Variants in SLC5A8 observed in about 807,000 individuals in gnomAD.
SLC5A8 encodes solute carrier family 5 member 8, also known as sodium-coupled monocarboxylate transporter 1.
A neutral mutation model predicts 71.9 loss-of-function variants in SLC5A8; 55 were observed. The observed-to-expected ratio is 0.77, with a 90% CI of 0.62 to 0.96. SLC5A8 has a LOEUF of 0.96. Among genes scored for constraint, SLC5A8 ranks in the 40% least tolerant of loss-of-function variants. SLC5A8 has a pLI of 0.00. For synonymous variants in SLC5A8, 307 were observed against 276.1 expected, an observed-to-expected ratio of 1.11 and a Z score of -1.11; for missense variants, 701 against 745.3, an observed-to-expected ratio of 0.94 and a Z score of 0.69.
chr12:101,180,598 G>A (rs940046035), intron 9 of SLC5A8, among the ~76,000 whole-genome samples: 1 of 152,140 alleles, frequency 6.6e-6, no homozygotes. Flanking sequence ...ACGACTTTTA[G>A]CCCCCTCATA....
intron 6 of SLC5A8, among the ~76,000 whole-genome samples, chr12:101,189,439 C>T (rs183617587): frequency 6.6e-6 from 1 of 152,228 alleles, no homozygotes; most frequent in African/African-American, 2.4e-5. Flanking sequence ...TTTTCATTTT[C>T]TCCTTTAAAT....
chr12:101,184,130 A>T lies in SLC5A8; in HGVS notation c.1052+4T>A. 6.2e-7 allele frequency: 1 copy of T among 1,612,502 alleles called. No individual in the cohort carries two copies. The highest frequency in any genetic ancestry group is 1.1e-5 in the South Asian group (1 of 90,968). Reference sequence around the variant, plus strand: ...TCATATGTTATTAGAGTCATAGTTCATACCTTAATGTCCCACTGTAAGCAC... The same window carrying T: ...TCATATGTTATTAGAGTCATAGTTCTTACCTTAATGTCCCACTGTAAGCAC... On this transcript the variant is annotated splice_donor_region_variant and intron_variant, in intron 8 of 14. Transcript: ENST00000536262.
chr12:101,176,946 AACAGAAAAACAAC>A (rs1291521218), intron 10 of SLC5A8, among the ~76,000 whole-genome samples: 2 of 152,110 alleles, frequency 1.3e-5, no homozygotes, highest in Non-Finnish European at 2.9e-5. Flanking sequence ...AATGAGTGAA[AACAGAAAAACAAC>A]ACAGAAAAAT....
intron 8 of SLC5A8, among the ~76,000 whole-genome samples, chr12:101,183,883 A>G (rs1023588134): frequency 2.0e-5 from 3 of 152,186 alleles, no homozygotes; most frequent in African/African-American, 7.2e-5. Context: ...TATTGTGACC[A>G]TAGGTATCAC....
chr12:101,191,139 C>T (rs535759621), intron 5 of SLC5A8, among the ~76,000 whole-genome samples: 225 of 152,256 alleles, frequency 1.5e-3, no homozygotes, highest in African/African-American at 5.2e-3. Context: ...TTTCTAAAAA[C>T]TGCATGTCAT....
chr12:101,185,567 G>A (rs1403417555), intron 7 of SLC5A8, among the ~76,000 whole-genome samples: 4 of 151,972 alleles, frequency 2.6e-5, no homozygotes, highest in Non-Finnish European at 5.9e-5. Flanking sequence ...TGAGGATAAG[G>A]GGTTTTTTTG....
intron 3 of SLC5A8, among the ~76,000 whole-genome samples, chr12:101,197,971 A>C (rs1458461648): frequency 1.3e-5 from 2 of 152,076 alleles, no homozygotes; most frequent in Admixed American, 1.3e-4. Flanking sequence ...GATTAAAATC[A>C]TATTAGTTCT....
chr12:101,161,558 G>A (rs2051723353), intron 13 of SLC5A8, among the ~76,000 whole-genome samples: 1 of 152,094 alleles, frequency 6.6e-6, no homozygotes, highest in Non-Finnish European at 1.5e-5. Context: ...AATGAATACT[G>A]GACCATGTAA....
At chr12:101,169,305 G>A (rs751888473) in intron 10 of SLC5A8, among the ~76,000 whole-genome samples, 6 of 152,182 alleles carry the variant, frequency 3.9e-5, no homozygotes, top group South Asian at 4.1e-4. Flanking sequence ...GAGTTATGAT[G>A]ACTTTGCTAG....
intron 4 of SLC5A8, 91 bp from the exon 5 acceptor site, chr12:101,193,870 T>C: frequency 6.9e-6 from 9 of 1,309,060 alleles, no homozygotes; most frequent in Non-Finnish European, 9.4e-6. Flanking sequence ...AAAAATGATA[T>C]AAACATGAAT....
chr12:101,197,676 G>C (rs1869246071), intron 3 of SLC5A8, among the ~76,000 whole-genome samples: 1 of 152,104 alleles, frequency 6.6e-6, no homozygotes, highest in Non-Finnish European at 1.5e-5. Flanking sequence ...CTTTAAAAGA[G>C]CCTCACAATA....
rs757691500 is a variant in SLC5A8, at chr12:101,204,638, TA to T, written c.352-74del. ...AAATCAGCAGCTCAAGAAGAAAATT[TA>T]AATTTAGAAATGTAAAGCAACTTCA... On this transcript the variant is annotated intron_variant, in intron 1 of 14. Transcript: ENST00000536262. The T allele has an allele frequency of 1.2e-5, 13 of 1,054,252 alleles. 1 individual carries two copies. In the East Asian group the frequency reaches 2.9e-4, roughly 24 times the overall value. The allele number at this position is 1,054,252 out of a possible 1,614,324, so 65.3% of individuals were successfully genotyped here.
chr12:101,162,008 T>A lies in SLC5A8; in HGVS notation c.1596A>T (p.Thr532=), dbSNP rs759595741. ...LYFSTVGTLV[T]LLVGILVSLS... Reference sequence around the variant, plus strand: ...AACTGACAAGTATCCCCACTAATAATGTTACCAAAGTTCCAACAGTGCTGA... The same window carrying A: ...AACTGACAAGTATCCCCACTAATAAAGTTACCAAAGTTCCAACAGTGCTGA... Residue 532 remains threonine (T), a synonymous_variant, in exon 13 of 15, where the codon ACA becomes ACT. Coordinates refer to ENST00000536262, the MANE Select transcript of SLC5A8 (RefSeq NM_145913.5). 14 of 1,613,474 alleles carry A rather than the reference T, an allele frequency of 8.7e-6. No homozygotes were observed. The African/African-American group carries it at 1.1e-4, about 12-fold the overall frequency.
In SLC5A8 at chr12:101,200,009, C is replaced by CAAAAAAAAAAAAAAAAA. The variant is rs1182463470; in HGVS notation, c.469+2138_469+2154dup. On this transcript the variant is annotated intron_variant, in intron 3 of 14. Transcript: ENST00000536262. ...GAGGCATAAAATGAAGTACTACCAG[C>CAAAAAAAAAAAAAAAAA]AAAAAAAAAAAAAAAAAAAAAAAAA... Among the ~76,000 whole-genome samples the CAAAAAAAAAAAAAAAAA allele has an allele frequency of 3.1e-4, 3 of 9,638 alleles. 1 individual carries two copies. Among genetic ancestry groups the CAAAAAAAAAAAAAAAAA allele is most frequent in the Non-Finnish European group, 6.1e-4 (3 of 4,958 alleles). 6.3% of individuals were successfully genotyped at this position (9,638 alleles called of 152,430 possible).
chr12:101,204,641 AT>A, intron 1 of SLC5A8, 76 bp from the exon 2 acceptor site: 1 of 1,026,584 alleles, frequency 9.7e-7, no homozygotes, highest in Non-Finnish European at 1.5e-6. Context: ...GAAAATTTAA[AT>A]TTAGAAATGT....
chr12:101,190,442 T>G (rs1274263325), intron 6 of SLC5A8, 26 bp downstream of exon 6: 2 of 1,606,192 alleles, frequency 1.2e-6, no homozygotes, highest in Non-Finnish European at 1.7e-6. Context: ...TTATTAATGA[T>G]TCATATACCA....
intron 3 of SLC5A8, among the ~76,000 whole-genome samples, chr12:101,200,600 A>G (rs1869418109): frequency 6.6e-6 from 1 of 152,158 alleles, no homozygotes; most frequent in Admixed American, 6.5e-5. Context: ...ATATGAAATT[A>G]AGAAATTAAT....
intron 10 of SLC5A8, among the ~76,000 whole-genome samples, chr12:101,178,393 C>A (rs1331480653): frequency 6.6e-6 from 1 of 152,134 alleles, no homozygotes; most frequent in Non-Finnish European, 1.5e-5. Flanking sequence ...TCGACCTGAT[C>A]TTGAAACTTA....
chr12:101,200,570 G>A (rs554952327), intron 3 of SLC5A8, among the ~76,000 whole-genome samples: 1 of 151,936 alleles, frequency 6.6e-6, no homozygotes, highest in African/African-American at 2.4e-5. Flanking sequence ...AAAAATCAGG[G>A]AAATGTAAAC....
Sources: gnomAD v4.1 joint callset for allele counts (sites outside exome capture counted in the v4.1 genomes callset) on GRCh38, gnomAD v4.1.1 for gene constraint, MANE v1.5 for transcripts, NCBI Gene and HGNC (gene_info 2026-07-23, HGNC 2026-07-21) for gene names.